Variants in IL1RAPL1 observed in about 807,000 individuals in gnomAD.
IL1RAPL1 encodes interleukin-1 receptor accessory protein-like 1.
IL1RAPL1 carries 3 observed loss-of-function variants against 48.4 expected under a neutral mutation model. The ratio of observed to expected loss-of-function variants is 0.06; its 90% CI spans 0.03 to 0.16. The LOEUF (loss-of-function observed/expected upper bound fraction) is 0.16. IL1RAPL1 is among the 10% of genes least tolerant of loss of function. The pLI is 1.00. For synonymous variants in IL1RAPL1, 185 were observed against 187.7 expected (o/e 0.99, Z 0.12); for missense variants, 349 against 530.6 (o/e 0.66, Z 3.36).
intron 2 of IL1RAPL1, among the ~76,000 whole-genome samples, chrX:28,915,766 A>G (rs1362308263): frequency 9.0e-6 from 1 of 111,426 alleles, no homozygotes; most frequent in Non-Finnish European, 1.9e-5. Flanking sequence ...AAATGAGACA[A>G]TAGGTGATGA....
chrX:29,488,448 C>CA (rs1369393532), intron 5 of IL1RAPL1, among the ~76,000 whole-genome samples: 6 of 111,682 alleles, frequency 5.4e-5, no homozygotes, highest in African/African-American at 2.0e-4. Flanking sequence ...ACAACAACAA[C>CA]AACAAAAAAA....
chrX:28,683,990 T>C (rs894746995), intron 1 of IL1RAPL1, among the ~76,000 whole-genome samples: 1 of 112,501 alleles, frequency 8.9e-6, no homozygotes, highest in Non-Finnish European at 1.9e-5. Context: ...TCTTTTGCCA[T>C]GTAAGGTTAC....
chrX:29,944,833 T>C (rs1285124094), intron 9 of IL1RAPL1, among the ~76,000 whole-genome samples: 2 of 111,272 alleles, frequency 1.8e-5, no homozygotes, highest in African/African-American at 6.5e-5. Flanking sequence ...ATCCTTGTCA[T>C]GGCCTCCAGT....
intron 6 of IL1RAPL1, among the ~76,000 whole-genome samples, chrX:29,787,290 A>C (rs1354223208): frequency 9.0e-6 from 1 of 111,474 alleles, no homozygotes; most frequent in Non-Finnish European, 1.9e-5. Context: ...ATGAGAGTAA[A>C]ACTATAAGGG....
intron 6 of IL1RAPL1, among the ~76,000 whole-genome samples, chrX:29,757,336 A>G (rs1195905417): frequency 8.9e-6 from 1 of 112,128 alleles, no homozygotes; most frequent in East Asian, 2.8e-4. Context: ...TTAGTTTTTG[A>G]CATCCCAGCC....
intron 6 of IL1RAPL1, among the ~76,000 whole-genome samples, chrX:29,815,028 C>A (rs908917870): frequency 6.3e-5 from 7 of 111,388 alleles, no homozygotes; most frequent in Non-Finnish European, 1.3e-4. Context: ...CAGCTTTGTT[C>A]TTTTTGCTTA....
At chrX:28,649,577 T>G (rs1934660211) in intron 1 of IL1RAPL1, among the ~76,000 whole-genome samples, 1 of 112,773 alleles carries the variant, frequency 8.9e-6, no homozygotes, top group African/African-American at 3.2e-5. Flanking sequence ...TCAGGGAACT[T>G]GTTTTTCCCC....
At chrX:29,709,757 G>A (rs1290664807) in intron 6 of IL1RAPL1, among the ~76,000 whole-genome samples, 1 of 111,670 alleles carries the variant, frequency 9.0e-6, no homozygotes, top group Non-Finnish European at 1.9e-5. Context: ...ACTTTGGGTA[G>A]TATGGACATT....
At chrX:29,788,063 TGACA>T (rs1929542264) in intron 6 of IL1RAPL1, among the ~76,000 whole-genome samples, 1 of 110,725 alleles carries the variant, frequency 9.0e-6, no homozygotes, top group African/African-American at 3.3e-5. Context: ...GATTGATTAC[TGACA>T]GACAGTAAGT....
intron 2 of IL1RAPL1, among the ~76,000 whole-genome samples, chrX:29,118,297 G>A (rs1408193657): frequency 8.9e-6 from 1 of 111,833 alleles, no homozygotes; most frequent in African/African-American, 3.2e-5. Context: ...AGGTATCATT[G>A]TACAAATCAT....
At chrX:29,838,084 A>C (rs1390995528) in intron 6 of IL1RAPL1, among the ~76,000 whole-genome samples, 1 of 111,631 alleles carries the variant, frequency 9.0e-6, no homozygotes, top group Non-Finnish European at 1.9e-5. Context: ...TTTCCAGGGA[A>C]GAAGCGTTCC....
chrX:29,726,355 T>C (rs1471590992), intron 6 of IL1RAPL1, among the ~76,000 whole-genome samples: 1 of 112,269 alleles, frequency 8.9e-6, no homozygotes, highest in African/African-American at 3.2e-5. Context: ...CACATAGTTA[T>C]CATTTTGTGG....
intron 5 of IL1RAPL1, among the ~76,000 whole-genome samples, chrX:29,526,938 A>T (rs1378725074): frequency 2.7e-5 from 3 of 111,881 alleles, no homozygotes; most frequent in Non-Finnish European, 3.8e-5. Flanking sequence ...AAAAATAATG[A>T]ACAAAAATAT....
chrX:29,226,627 G>T lies in IL1RAPL1; in HGVS notation c.83-56311G>T, dbSNP rs1931086696. Among the ~76,000 whole-genome samples the T allele has an allele frequency of 2.8e-5, 3 of 108,354 alleles. No individual in the cohort carries two copies. In the South Asian group the frequency reaches 1.2e-3, roughly 44 times the overall value. The allele number at this position is 108,354 out of a possible 115,157, so 94.1% of individuals were successfully genotyped here. On this transcript the variant is annotated intron_variant, in intron 2 of 10. Coordinates refer to ENST00000378993, the MANE Select transcript of IL1RAPL1 (RefSeq NM_014271.4). ...TTTTTGTATTTTTAGTAGAGACGGG[G>T]TTTCATCACGTTGGCCAGGCTGGTC...
At chrX:29,575,811 A>G (rs1442350871) in intron 5 of IL1RAPL1, among the ~76,000 whole-genome samples, 2 of 111,836 alleles carry the variant, frequency 1.8e-5, no homozygotes, top group Admixed American at 9.5e-5. Flanking sequence ...CCCCATCTCA[A>G]TAATGTGGAT....
chrX:29,116,902 G>A (rs1328933066), intron 2 of IL1RAPL1, among the ~76,000 whole-genome samples: 1 of 111,494 alleles, frequency 9.0e-6, no homozygotes, highest in Non-Finnish European at 1.9e-5. Flanking sequence ...TGCTTTTGTG[G>A]AATATCATCT....
chrX:29,909,451 A>C (rs955196340), intron 6 of IL1RAPL1, among the ~76,000 whole-genome samples: 1 of 110,898 alleles, frequency 9.0e-6, no homozygotes, highest in African/African-American at 3.3e-5. Flanking sequence ...AACAAACAAA[A>C]AACTGAAAAG....
At chrX:29,014,485 G>T (rs1423350076) in intron 2 of IL1RAPL1, among the ~76,000 whole-genome samples, 1 of 111,230 alleles carries the variant, frequency 9.0e-6, no homozygotes, top group Non-Finnish European at 1.9e-5. Context: ...ATTGGGGGAG[G>T]CAGTTTGTGA....
In IL1RAPL1 at chrX:28,951,551, A is replaced by G. The variant is rs180824442; in HGVS notation, c.82+162126A>G. Among the ~76,000 whole-genome samples, 364 of 111,380 alleles carry G rather than the reference A, an allele frequency of 3.3e-3. 3 individuals are homozygous for G. The highest frequency in any genetic ancestry group is 0.011 in the African/African-American group (336 of 30,726). The stretch of plus-strand genomic sequence containing the variant: ...ATTTATAATTGTGAATATTAAAAAT[A>G]TAGTACACATTTATTCAAATTTGAT... On this transcript the variant is annotated intron_variant, in intron 2 of 10. Transcript: ENST00000378993.
Sources: gnomAD v4.1 joint callset for allele counts (sites outside exome capture counted in the v4.1 genomes callset) on GRCh38, gnomAD v4.1.1 for gene constraint, MANE v1.5 for transcripts, NCBI Gene and HGNC (gene_info 2026-07-23, HGNC 2026-07-21) for gene names.